AFAP1L2: variants seen among roughly 807,000 people sequenced by gnomAD.
AFAP1L2 encodes the protein actin filament associated protein 1 like 2, also known as actin filament-associated protein 1-like 2.
A neutral mutation model predicts 99.3 loss-of-function variants in AFAP1L2; 46 were observed. The observed-to-expected ratio is 0.46, with a 90% CI of 0.37 to 0.59. The LOEUF is 0.59. AFAP1L2 is among the 20% of genes least tolerant of loss of function. The pLI is 0.00. For missense variants in AFAP1L2, 959 were observed against 1,034.9 expected, an observed-to-expected ratio of 0.93 and a Z score of 1.01; for synonymous variants, 397 against 419.1, an observed-to-expected ratio of 0.95 and a Z score of 0.64.
chr10:114,309,786 C>T (rs1323266429), intron 8 of AFAP1L2, among the ~76,000 whole-genome samples: 2 of 152,168 alleles, frequency 1.3e-5, no homozygotes, highest in African/African-American at 4.8e-5. Context: ...GACTGTTGTT[C>T]CAATAAAGCT....
intron 1 of AFAP1L2, among the ~76,000 whole-genome samples, chr10:114,371,580 A>G (rs1423378021): frequency 6.6e-6 from 1 of 151,694 alleles, no homozygotes; most frequent in Non-Finnish European, 1.5e-5. Flanking sequence ...CAAACACCGC[A>G]TGTTCTCACT....
At chr10:114,336,831 C>T (rs1261053540) in intron 2 of AFAP1L2, among the ~76,000 whole-genome samples, 2 of 151,920 alleles carry the variant, frequency 1.3e-5, no homozygotes, top group Admixed American at 1.3e-4. Context: ...CCTCTCCATC[C>T]AGACAAAAAG....
At chr10:114,315,905 C>T in intron 5 of AFAP1L2, 140 bp from the exon 6 acceptor site, 2 of 803,844 alleles carry the variant, frequency 2.5e-6, no homozygotes, top group Non-Finnish European at 3.9e-6. Flanking sequence ...AGCAGCCCCA[C>T]AGCCAGCAGC....
At chr10:114,283,094 C>T in the AFAP1L2 span, among the ~76,000 whole-genome samples, 2 of 152,228 alleles carry the variant, frequency 1.3e-5, no homozygotes, top group Non-Finnish European at 2.9e-5. Context: ...CAGCATGGTT[C>T]ACCAGTGTGC....
chr10:114,349,326 C>G (rs183717473), intron 1 of AFAP1L2, among the ~76,000 whole-genome samples: 2 of 142,836 alleles, frequency 1.4e-5, no homozygotes, highest in Non-Finnish European at 3.0e-5. Context: ...TGCAGTGAGC[C>G]GAGATCGCAC....
chr10:114,295,055 A>AG lies in AFAP1L2; in HGVS notation c.*986dup. ...AAAAAATGCCATCAGAGGAAAAGAC[A>AG]GGGGCAGCACAAGGAACAGCACTGC... is the stretch of plus-strand genomic sequence containing the variant. On this transcript the variant is annotated 3_prime_UTR_variant, in exon 19 of 19. Transcript: ENST00000304129. The AG allele has an allele frequency of 1.0e-6, 1 of 985,404 alleles. No individual in the cohort carries two copies. Among genetic ancestry groups the AG allele is most frequent in the Non-Finnish European group, 1.2e-6 (1 of 829,836 alleles). The allele number at this position is 985,404 out of a possible 1,614,324, so 61.0% of individuals were successfully genotyped here. A position where few individuals can be genotyped will look rare whatever the true frequency, so the allele number is the denominator to read the frequency against.
rs148269989 is a variant in AFAP1L2, at chr10:114,359,121, G to C, written c.17-18390C>G. Among the ~76,000 whole-genome samples the C allele has an allele frequency of 2.6e-5, 4 of 152,258 alleles. No homozygotes were observed. The East Asian group carries it at 7.7e-4, about 29-fold the overall frequency. ...AAAAGACTCAAGAAATACATTACAAGAGGTAATGTAAGAACTGAGACCACT... is the reference window on the plus strand; with the variant it reads ...AAAAGACTCAAGAAATACATTACAACAGGTAATGTAAGAACTGAGACCACT... On this transcript the variant is annotated intron_variant, in intron 1 of 18. Transcript: ENST00000304129.
chr10:114,400,836 ATTT>A (rs1212665639), intron 1 of AFAP1L2, among the ~76,000 whole-genome samples: 1 of 152,172 alleles, frequency 6.6e-6, no homozygotes, highest in Non-Finnish European at 1.5e-5. Flanking sequence ...TTACATCCAT[ATTT>A]TTGAAAGCTC....
chr10:114,301,734 C>T (rs2041233276), intron 12 of AFAP1L2: 1 of 488,474 alleles, frequency 2.0e-6, no homozygotes, highest in Admixed American at 3.3e-5. Context: ...CCTTTGCCAT[C>T]TTCTCCCCCA....
chr10:114,304,481 CCTT>C (rs1214121864), intron 11 of AFAP1L2, among the ~76,000 whole-genome samples: 2 of 152,206 alleles, frequency 1.3e-5, no homozygotes, highest in African/African-American at 4.8e-5. Context: ...TAAAAATACT[CCTT>C]CTGCCCTAAG....
chr10:114,286,600 G>A, the AFAP1L2 span: 1 of 1,179,696 alleles, frequency 8.5e-7, no homozygotes, highest in Non-Finnish European at 1.2e-6. Context: ...TTTTCTGCCA[G>A]TGCCTCTTCT....
the AFAP1L2 span, chr10:114,286,191 G>C: frequency 1.4e-5 from 22 of 1,614,040 alleles, no homozygotes; most frequent in Non-Finnish European, 1.8e-5. Flanking sequence ...CCCTTCCGTG[G>C]TGGCCCCACC....
At chr10:114,386,951 C>T (rs911458189) in intron 1 of AFAP1L2, among the ~76,000 whole-genome samples, 2 of 152,230 alleles carry the variant, frequency 1.3e-5, no homozygotes, top group African/African-American at 4.8e-5. Context: ...ACTTCACTGG[C>T]CTGACTGAAT....
At chr10:114,303,460 A>G (rs1475928077) in intron 11 of AFAP1L2, among the ~76,000 whole-genome samples, 2 of 151,928 alleles carry the variant, frequency 1.3e-5, no homozygotes, top group Non-Finnish European at 1.5e-5. Flanking sequence ...GGCGCCCACC[A>G]CCACACCCAG....
chr10:114,339,333 G>A (rs2048436805), intron 2 of AFAP1L2, among the ~76,000 whole-genome samples: 1 of 152,198 alleles, frequency 6.6e-6, no homozygotes, highest in Non-Finnish European at 1.5e-5. Flanking sequence ...TGTAGTCCCA[G>A]CTACTCGGGA....
At position 114,294,855 on chromosome 10, in the gene AFAP1L2, ACCT is replaced by A. The variant is rs2039936033; in HGVS notation, c.*1184_*1186del. 3 of 885,398 alleles carry A rather than the reference ACCT, an allele frequency of 3.4e-6. No homozygotes were observed. The highest frequency in any genetic ancestry group is 5.6e-5 in the South Asian group (1 of 17,714). 54.8% of individuals were successfully genotyped at this position (885,398 alleles called of 1,614,324 possible). A position where few individuals can be genotyped will look rare whatever the true frequency, so the allele number is the denominator to read the frequency against. On this transcript the variant is annotated 3_prime_UTR_variant, in exon 19 of 19. Coordinates refer to ENST00000304129, the MANE Select transcript of AFAP1L2 (RefSeq NM_001001936.3). ...TACAATGAACATTTTATTTTAAAAAACCTAACTAACTCACCACTTGGTAAAAGG... is the reference window on the plus strand; with the variant it reads ...TACAATGAACATTTTATTTTAAAAAAAACTAACTCACCACTTGGTAAAAGG...
chr10:114,375,926 T>C (rs977645393), intron 1 of AFAP1L2, among the ~76,000 whole-genome samples: 1 of 152,072 alleles, frequency 6.6e-6, no homozygotes, highest in Non-Finnish European at 1.5e-5. Context: ...CACCACTGCA[T>C]TCCGGCCTGG....
downstream of AFAP1L2, among the ~76,000 whole-genome samples, chr10:114,290,659 T>C (rs1219174572): frequency 6.6e-6 from 1 of 152,124 alleles, no homozygotes; most frequent in Non-Finnish European, 1.5e-5. Context: ...TAGACGGTGC[T>C]AAGCACCCCG....
chr10:114,305,110 G>T, intron 10 of AFAP1L2, 180 bp from the exon 11 acceptor site: 1 of 566,804 alleles, frequency 1.8e-6, no homozygotes, highest in Non-Finnish European at 3.2e-6. Context: ...TGCAGGAGGG[G>T]ACCGGGCTGC....
Sources: allele counts gnomAD v4.1 joint callset (sites outside exome capture counted in the v4.1 genomes callset), GRCh38; gene constraint gnomAD v4.1.1; transcripts MANE v1.5; gene names NCBI Gene and HGNC (gene_info 2026-07-23, HGNC 2026-07-21).